The following VWA5B1 variants were observed in gnomAD, a reference collection of about 807,000 sequenced individuals.
VWA5B1 encodes the protein von Willebrand factor A domain containing 5B1.
VWA5B1 carries 115 observed loss-of-function variants against 118.2 expected under a neutral mutation model. The observed-to-expected ratio is 0.97, with a 90% CI of 0.84 to 1.14. VWA5B1 has a LOEUF of 1.14. Ranked by LOEUF, VWA5B1 falls within the 50% of genes most tolerant of loss-of-function variation. VWA5B1 has a pLI of 0.00. For synonymous variants in VWA5B1, 682 were observed against 658.4 expected (o/e 1.04, Z -0.55); for missense variants, 1,596 against 1,603.8 (o/e 1.00, Z 0.08).
chr1:20,338,736 G>T (rs1054176676), intron 14 of VWA5B1: 1 of 152,464 alleles, frequency 6.6e-6, no homozygotes, highest in African/African-American at 2.4e-5. Flanking sequence ...CACCATGTTG[G>T]CCAGGCTAGT....
At chr1:20,319,613 C>A in intron 7 of VWA5B1, 107 bp downstream of exon 7, 2 of 1,468,130 alleles carry the variant, frequency 1.4e-6, no homozygotes, top group Non-Finnish European at 1.8e-6. Context: ...CCGAGGTCAT[C>A]CAGCAAGCTG....
chr1:20,342,360 TTCCTCCTCCTTCTCCTCCTCC>T (rs2089897379), intron 14 of VWA5B1, 51 bp from the exon 15 acceptor site: 2 of 1,485,620 alleles, frequency 1.3e-6, no homozygotes, highest in African/African-American at 2.8e-5. Context: ...CCAGGAGCTC[TTCCTCCTCCTTCTCCTCCTCC>T]TCCTCCTCCT....
At chr1:20,328,963 A>G (rs1286751316) in intron 9 of VWA5B1, among the ~76,000 whole-genome samples, 2 of 152,196 alleles carry the variant, frequency 1.3e-5, no homozygotes, top group Non-Finnish European at 2.9e-5. Context: ...GGCCTTCCAT[A>G]CTGTTCTGTA....
Position 20,343,283 on chromosome 1 carries a change from G to T in VWA5B1, c.2516G>T (p.Gly839Val). The change falls in exon 16 of 22, where the codon GGC becomes GTC. Residue 839 changes from glycine (G) to valine (V), a missense_variant. Physicochemically the swap from Gly to Val is moderately radical, Grantham distance 109. Transcript: ENST00000289815. ...FELGTPGPER[G>V]GAQDADLWSE... ...CTGGGGACCCCTGGACCGGAGCGGG[G>T]CGGCGCGCAGGATGCCGACCTATGG... is the stretch of plus-strand genomic sequence containing the variant. 1.9e-6 allele frequency: 3 copies of T among 1,547,950 alleles called. No individual in the cohort carries two copies. Among genetic ancestry groups the T allele is most frequent in the Non-Finnish European group, 2.6e-6 (3 of 1,146,734 alleles).
chr1:20,314,301 T>A, intron 3 of VWA5B1, 21 bp from the exon 4 acceptor site: 1 of 1,550,862 alleles, frequency 6.4e-7, no homozygotes, highest in Non-Finnish European at 8.7e-7. Context: ...GTACAGCCCC[T>A]GACGCCAGCC....
In VWA5B1 at chr1:20,314,326, C is replaced by A; in HGVS notation, c.297C>A (p.Asn99Lys). ...SHVRSPTVTGNILQDGVSIAP... is the reference protein window; with the variant it reads ...SHVRSPTVTGKILQDGVSIAP... ...TGACGCCAGCCTGGCACTTAGGGAA[C>A]ATTCTGCAAGACGGGGTTTCCATAG... Residue 99 changes from asparagine (N) to lysine (K), a missense_variant, in exon 4 of 22, where the codon AAC (asparagine) becomes AAA (lysine). Coordinates refer to ENST00000289815, the MANE Select transcript of VWA5B1 (RefSeq NM_001039500.3). The A allele has an allele frequency of 6.4e-7, 1 of 1,551,816 alleles. No homozygotes were observed. Among genetic ancestry groups the A allele is most frequent in the Non-Finnish European group, 8.7e-7 (1 of 1,146,990 alleles).
At position 20,343,175 on chromosome 1, in the gene VWA5B1, C is replaced by T; in HGVS notation, c.2408C>T (p.Ala803Val). Residue 803 changes from alanine to valine, a missense_variant, in exon 16 of 22, where the codon GCC (alanine) becomes GTC (valine). Transcript: ENST00000289815. ...SQERASPSRP[A>V]TPAPVLGKAL... ...GAGCGAGCCAGTCCCAGCAGGCCCG[C>T]CACCCCGGCCCCGGTGCTGGGCAAG... is the stretch of plus-strand genomic sequence containing the variant. The T allele has an allele frequency of 6.5e-7, 1 of 1,549,580 alleles. No homozygotes were observed. The highest frequency in any genetic ancestry group is 8.7e-7 in the Non-Finnish European group (1 of 1,146,512).
Position 20,353,887 on chromosome 1 carries a change from CGTCT to C in VWA5B1, c.3274_3277del (p.Glu1093ProfsTer124), listed in dbSNP as rs1352033629. ...CATCGAGTGTCCCTCACCACCCGCC[CGTCT>C]GAGTCCAAGACCCCGAGTCCCCAGC... On this transcript the variant is annotated frameshift_variant, in exon 22 of 22. Transcript: ENST00000289815. LOFTEE classifies it low-confidence loss of function (END_TRUNC). 2.6e-6 allele frequency: 4 copies of C among 1,546,866 alleles called. No individual in the cohort carries two copies. In the East Asian group the frequency reaches 7.3e-5, roughly 28 times the overall value.
intron 6 of VWA5B1, 107 bp from the exon 7 acceptor site, chr1:20,319,275 A>G: frequency 6.8e-7 from 1 of 1,468,968 alleles, no homozygotes; most frequent in Non-Finnish European, 9.1e-7. Flanking sequence ...CCCCGCTTCC[A>G]AATGGGAGTC....
intron 9 of VWA5B1, 68 bp from the exon 10 acceptor site, chr1:20,330,112 C>A (rs1292865974): frequency 1.3e-6 from 2 of 1,514,968 alleles, no homozygotes; most frequent in Non-Finnish European, 1.8e-6. Flanking sequence ...AAACAAAGTC[C>A]TCTTCCTTAG....
intron 20 of VWA5B1, among the ~76,000 whole-genome samples, chr1:20,351,577 G>C (rs892826731): frequency 6.6e-6 from 1 of 152,118 alleles, no homozygotes; most frequent in Admixed American, 6.5e-5. Flanking sequence ...ACTTGGACCC[G>C]GGAGGCAGAG....
intron 8 of VWA5B1, among the ~76,000 whole-genome samples, chr1:20,326,646 A>G (rs964950658): frequency 1.3e-5 from 2 of 152,014 alleles, no homozygotes; most frequent in Non-Finnish European, 2.9e-5. Context: ...TTGTGTTTTT[A>G]GTAGAGACGG....
chr1:20,312,940 G>A lies in VWA5B1; in HGVS notation c.244G>A (p.Glu82Lys). 1 of 1,551,664 alleles carries A rather than the reference G, an allele frequency of 6.4e-7. No individual in the cohort carries two copies. The highest frequency in any genetic ancestry group is 8.7e-7 in the Non-Finnish European group (1 of 1,146,988). The change falls in exon 3 of 22, where the codon GAG becomes AAG. Residue 82 changes from glutamate (E) to lysine (K), a missense_variant. Transcript: ENST00000289815. The part of the protein sequence containing the change: ...TVQIKDKAKL[E>K]SGHFDASHVR... ...ACAGATCAAGGACAAAGCCAAGCTG[G>A]AGAGCGGCCACTTCGATGCCTCCCA...
chr1:20,297,245 C>T (rs1057063821), intron 1 of VWA5B1, among the ~76,000 whole-genome samples: 3 of 152,206 alleles, frequency 2.0e-5, no homozygotes, highest in African/African-American at 4.8e-5. Context: ...GATTAGGCTA[C>T]GCTGCAGTAA....
intron 19 of VWA5B1, 86 bp downstream of exon 19, chr1:20,350,316 A>T (rs2090103271): frequency 6.9e-7 from 1 of 1,442,338 alleles, no homozygotes; most frequent in Non-Finnish European, 9.5e-7. Context: ...GCACCGACAA[A>T]GTCCTCAGGG....
At chr1:20,338,409 G>GCATGATCT in intron 14 of VWA5B1, 1 of 242,432 alleles carries the variant, frequency 4.1e-6, no homozygotes, top group Non-Finnish European at 8.2e-6. Context: ...GAGTGCAGTG[G>GCATGATCT]TGCCATCTCA....
intron 7 of VWA5B1, among the ~76,000 whole-genome samples, chr1:20,321,570 C>T (rs1375427477): frequency 2.0e-5 from 3 of 151,922 alleles, no homozygotes; most frequent in Non-Finnish European, 4.4e-5. Context: ...GGTGGCAGAG[C>T]GAGACTCTGT....
chr1:20,310,748 C>A lies in VWA5B1; in HGVS notation c.139+8C>A. On this transcript the variant is annotated splice_region_variant and intron_variant, in intron 2 of 21. Transcript: ENST00000289815. ...AAGCCCAGCCCTTCCAGGGTAAGGA[C>A]ACCTGCTGGGGCCTCCCCGGGACCA... 1.3e-6 allele frequency: 2 copies of A among 1,538,272 alleles called. No homozygotes were observed. The highest frequency in any genetic ancestry group is 1.8e-6 in the Non-Finnish European group (2 of 1,141,946).
chr1:20,352,228 C>T, intron 21 of VWA5B1, 56 bp downstream of exon 21: 2 of 1,333,386 alleles, frequency 1.5e-6, no homozygotes, highest in Non-Finnish European at 2.1e-6. Flanking sequence ...GCAGCAGGGC[C>T]TTCCTGTGAT....
Sources: allele counts gnomAD v4.1 joint callset (sites outside exome capture counted in the v4.1 genomes callset), GRCh38; gene constraint gnomAD v4.1.1; transcripts MANE v1.5; gene names NCBI Gene and HGNC (gene_info 2026-07-23, HGNC 2026-07-21).